Variants in LSM12 observed in about 807,000 individuals in gnomAD.
The protein encoded by LSM12 is LSM12 homolog.
For synonymous variants in LSM12, 74 were observed against 87.3 expected, an observed-to-expected ratio of 0.85 and a Z score of 0.85; for missense variants, 108 against 238.9, an observed-to-expected ratio of 0.45 and a Z score of 3.61.
In LSM12 at chr17:44,048,000, TAGAC is replaced by T. The variant is rs542482205; in HGVS notation, c.259-7748_259-7745del. ...GGGTTCAAGACCAGTGTGGACAACA[TAGAC>T]AGTGTCCGTATTAAACACACACACA... On this transcript the variant is annotated intron_variant, in intron 2 of 4. Coordinates refer to ENST00000293406, the MANE Select transcript of LSM12 (RefSeq NM_001371445.1). Among the ~76,000 whole-genome samples, 752 of 139,374 alleles carry T rather than the reference TAGAC, an allele frequency of 5.4e-3. 1 individual carries two copies. Among genetic ancestry groups the T allele is most frequent in the Non-Finnish European group, 8.5e-3 (555 of 65,026 alleles). The allele number at this position is 139,374 out of a possible 152,430, so 91.4% of individuals were successfully genotyped here.
chr17:44,040,711 A>T (rs1398962087), intron 2 of LSM12, among the ~76,000 whole-genome samples: 2 of 151,970 alleles, frequency 1.3e-5, no homozygotes, highest in African/African-American at 4.8e-5. Context: ...GAGGTGGCTC[A>T]TGCCTGTAAT....
At chr17:44,050,298 C>T (rs1173737386) in intron 2 of LSM12, among the ~76,000 whole-genome samples, 1 of 147,112 alleles carries the variant, frequency 6.8e-6, no homozygotes, top group Admixed American at 7.0e-5. Flanking sequence ...TTAGTAGAGA[C>T]GGGGTTTTGC....
chr17:44,061,092 C>T (rs908041879), intron 2 of LSM12, among the ~76,000 whole-genome samples: 2 of 151,914 alleles, frequency 1.3e-5, no homozygotes, highest in Admixed American at 6.6e-5. Flanking sequence ...CTGAGGCGGG[C>T]GGATCACCTG....
At position 44,041,000 on chromosome 17, in the gene LSM12, C is replaced by CA. The variant is rs938840615; in HGVS notation, c.259-745dup. ...CGTCTCAAAACAAAACAAAACCAAA[C>CA]AAAAAAAAATACATACACATACACA... On this transcript the variant is annotated intron_variant, in intron 2 of 4. Coordinates refer to ENST00000293406, the MANE Select transcript of LSM12 (RefSeq NM_001371445.1). Among the ~76,000 whole-genome samples, 14 of 148,352 alleles carry CA rather than the reference C, an allele frequency of 9.4e-5. No homozygotes were observed. In the South Asian group the frequency reaches 1.1e-3, roughly 11 times the overall value.
intron 1 of LSM12, among the ~76,000 whole-genome samples, chr17:44,064,489 T>C (rs973414894): frequency 6.6e-6 from 1 of 152,086 alleles, no homozygotes; most frequent in Admixed American, 6.5e-5. Context: ...TCTCAACACT[T>C]TGGGAGGCTG....
chr17:44,040,474 C>T, intron 2 of LSM12: 1 of 469,636 alleles, frequency 2.1e-6, no homozygotes, highest in South Asian at 2.2e-5. Context: ...CTAATACTTA[C>T]TGCATACCTA....
At chr17:44,039,365 C>CTT (rs35411238) in intron 3 of LSM12, among the ~76,000 whole-genome samples, 1,073 of 51,092 alleles carry the variant, frequency 0.021, 209 homozygotes, top group African/African-American at 0.045. Flanking sequence ...AACAAAATGT[C>CTT]TTTTTTTTTT....
chr17:44,049,208 A>T (rs1274203769), intron 2 of LSM12, among the ~76,000 whole-genome samples: 2 of 152,030 alleles, frequency 1.3e-5, no homozygotes, highest in Admixed American at 6.6e-5. Context: ...AACAACAACA[A>T]CAAAAACAAA....
At chr17:44,063,148 TAC>T (rs2049822432) in intron 2 of LSM12, among the ~76,000 whole-genome samples, 1 of 152,020 alleles carries the variant, frequency 6.6e-6, no homozygotes, top group Non-Finnish European at 1.5e-5. Flanking sequence ...TAATCCCAGC[TAC>T]TCAGAAGGCC....
intron 2 of LSM12, among the ~76,000 whole-genome samples, chr17:44,041,527 C>T (rs150383323): frequency 6.9e-4 from 105 of 152,288 alleles, no homozygotes; most frequent in African/African-American, 2.4e-3. Context: ...TAACCATAAA[C>T]GCTGTCCACC....
At chr17:44,061,135 C>G (rs937055888) in intron 2 of LSM12, among the ~76,000 whole-genome samples, 1 of 151,788 alleles carries the variant, frequency 6.6e-6, no homozygotes, top group Non-Finnish European at 1.5e-5. Flanking sequence ...CTGACCAACA[C>G]GGAGAAACCC....
At chr17:44,047,755 T>A (rs1353093808) in intron 2 of LSM12, among the ~76,000 whole-genome samples, 2 of 150,692 alleles carry the variant, frequency 1.3e-5, no homozygotes, top group East Asian at 1.9e-4. Flanking sequence ...TTTTTTTTTT[T>A]AATTTTATGT....
chr17:44,056,798 A>C (rs1015405227), intron 2 of LSM12, among the ~76,000 whole-genome samples: 7 of 152,118 alleles, frequency 4.6e-5, no homozygotes, highest in African/African-American at 1.4e-4. Flanking sequence ...GTTCAAGAAC[A>C]GTCTGACCAA....
intron 1 of LSM12, among the ~76,000 whole-genome samples, 160 bp downstream of exon 1, chr17:44,066,304 G>C (rs996561323): frequency 1.3e-5 from 2 of 152,226 alleles, no homozygotes; most frequent in East Asian, 3.8e-4. Flanking sequence ...CCCGCGGGAG[G>C]GGGAGGGGAG....
intron 4 of LSM12, 102 bp from the exon 5 acceptor site, chr17:44,036,402 C>A: frequency 6.8e-7 from 1 of 1,462,588 alleles, no homozygotes; most frequent in Non-Finnish European, 9.5e-7. Flanking sequence ...GGCTGTCCAG[C>A]CCATTGGTGT....
At chr17:44,066,721 T>C, upstream of LSM12, 4 of 1,150,908 alleles carry the variant, frequency 3.5e-6, no homozygotes, top group Non-Finnish European at 4.4e-6. Context: ...CTGGCGCTGG[T>C]TGGGGCGGGA....
intron 2 of LSM12, among the ~76,000 whole-genome samples, chr17:44,048,163 T>A (rs1293334484): frequency 6.6e-6 from 1 of 152,090 alleles, no homozygotes; most frequent in Non-Finnish European, 1.5e-5. Context: ...GTCTTTTCAT[T>A]TTCTTTATGC....
At chr17:44,051,886 T>C (rs2049649207) in intron 2 of LSM12, among the ~76,000 whole-genome samples, 1 of 151,894 alleles carries the variant, frequency 6.6e-6, no homozygotes, top group Non-Finnish European at 1.5e-5. Flanking sequence ...GGCGGGTGGA[T>C]CACTTGAGGT....
chr17:44,042,810 A>C (rs1051248242), intron 2 of LSM12, among the ~76,000 whole-genome samples: 6 of 151,972 alleles, frequency 3.9e-5, no homozygotes, highest in African/African-American at 2.4e-5. Flanking sequence ...CTCGTGATCC[A>C]CCCACCTGGG....
Sources: gnomAD v4.1 joint callset for allele counts (sites outside exome capture counted in the v4.1 genomes callset) on GRCh38, gnomAD v4.1.1 for gene constraint, MANE v1.5 for transcripts, NCBI Gene and HGNC (gene_info 2026-07-23, HGNC 2026-07-21) for gene names.